The following PTPRE variants were observed in gnomAD, a reference collection of about 807,000 sequenced individuals.
PTPRE encodes the protein protein tyrosine phosphatase receptor type E.
A neutral mutation model predicts 102.0 loss-of-function variants in PTPRE; 51 were observed. That is an observed-to-expected ratio of 0.50 (90% CI 0.40 to 0.63). PTPRE has a LOEUF of 0.63. PTPRE is among the 30% of genes least tolerant of loss of function. The pLI, the probability that PTPRE is intolerant of heterozygous loss-of-function variation, is 0.00. For synonymous variants in PTPRE, 345 were observed against 348.2 expected, an observed-to-expected ratio of 0.99 and a Z score of 0.10; for missense variants, 752 against 915.1, an observed-to-expected ratio of 0.82 and a Z score of 2.30.
intron 2 of PTPRE, among the ~76,000 whole-genome samples, chr10:128,025,406 C>T (rs1590052929): frequency 6.6e-6 from 1 of 152,266 alleles, no homozygotes; most frequent in East Asian, 1.9e-4. Context: ...CTGCAGATTC[C>T]AAGCCTCCCA....
At chr10:128,076,504 T>C in intron 17 of PTPRE, 99 bp from the exon 18 acceptor site, 2 of 1,205,806 alleles carry the variant, frequency 1.7e-6, no homozygotes, top group Non-Finnish European at 1.1e-6. Context: ...TCAGATGAAA[T>C]ACATTAACTG....
At chr10:128,066,838 C>A (rs944021968) in intron 11 of PTPRE, among the ~76,000 whole-genome samples, 2 of 152,196 alleles carry the variant, frequency 1.3e-5, no homozygotes, top group Non-Finnish European at 2.9e-5. Flanking sequence ...CTTATCCTAT[C>A]CCCTGCTGGC....
intron 1 of PTPRE, among the ~76,000 whole-genome samples, chr10:127,931,283 G>A (rs1847424444): frequency 6.6e-6 from 1 of 151,948 alleles, no homozygotes; most frequent in Non-Finnish European, 1.5e-5. Context: ...TTAAAATTGG[G>A]TTGTTAATGC....
intron 1 of PTPRE, among the ~76,000 whole-genome samples, chr10:127,952,073 A>G (rs568964493): frequency 3.9e-5 from 6 of 152,316 alleles, no homozygotes; most frequent in South Asian, 2.1e-4. Context: ...AAGGCTAGCA[A>G]TATACCTTCA....
At chr10:128,037,840 G>A (rs1360746877) in intron 2 of PTPRE, among the ~76,000 whole-genome samples, 1 of 152,132 alleles carries the variant, frequency 6.6e-6, no homozygotes, top group African/African-American at 2.4e-5. Flanking sequence ...TGCCCAGGCT[G>A]GAGTGCAGTG....
intron 1 of PTPRE, among the ~76,000 whole-genome samples, chr10:127,949,166 C>T (rs1291631237): frequency 6.6e-6 from 1 of 152,202 alleles, no homozygotes; most frequent in African/African-American, 2.4e-5. Context: ...TGGACTGAAC[C>T]ATGCTGCTAG....
In PTPRE at chr10:128,057,622, C is replaced by T. The variant is rs531736165; in HGVS notation, c.511+1409C>T. On this transcript the variant is annotated intron_variant, in intron 7 of 20. Coordinates refer to ENST00000254667, the MANE Select transcript of PTPRE (RefSeq NM_006504.6). The stretch of plus-strand genomic sequence containing the variant: ...GCGTGGGATTGATATGTGGTTTTCA[C>T]AAAACCCACTGTGAACCCATGATCC... Among the ~76,000 whole-genome samples the T allele has an allele frequency of 1.4e-4, 22 of 152,302 alleles. No individual in the cohort carries two copies. In the South Asian group the frequency reaches 4.6e-3, roughly 32 times the overall value.
chr10:127,989,762 C>T (rs1852448494), intron 2 of PTPRE, among the ~76,000 whole-genome samples: 1 of 152,206 alleles, frequency 6.6e-6, no homozygotes, highest in South Asian at 2.1e-4. Flanking sequence ...AAACGGTTTG[C>T]TGGTTGATAA....
At chr10:128,003,801 T>C (rs1205579372) in intron 2 of PTPRE, among the ~76,000 whole-genome samples, 1 of 152,194 alleles carries the variant, frequency 6.6e-6, no homozygotes, top group East Asian at 1.9e-4. Flanking sequence ...GTAGGACTAG[T>C]GTTTAATCAA....
chr10:128,006,420 T>C (rs1854551826), intron 2 of PTPRE, among the ~76,000 whole-genome samples: 1 of 152,244 alleles, frequency 6.6e-6, no homozygotes, highest in Admixed American at 6.5e-5. Flanking sequence ...GTACTTAACG[T>C]TGACTTGAAA....
chr10:127,925,612 A>C (rs1846946065), intron 1 of PTPRE, among the ~76,000 whole-genome samples: 1 of 152,190 alleles, frequency 6.6e-6, no homozygotes, highest in Non-Finnish European at 1.5e-5. Context: ...GGAAGCTTTT[A>C]GTAAGAATGT....
chr10:128,041,113 C>A, intron 3 of PTPRE, 123 bp downstream of exon 3: 1 of 813,182 alleles, frequency 1.2e-6, no homozygotes, highest in Non-Finnish European at 2.0e-6. Flanking sequence ...TCTTAGTGTG[C>A]TTTTAATAGT....
chr10:128,054,979 G>A (rs1043783250), intron 6 of PTPRE, among the ~76,000 whole-genome samples: 1 of 152,084 alleles, frequency 6.6e-6, no homozygotes, highest in African/African-American at 2.4e-5. Context: ...GGGTGACCCT[G>A]GACAAATCTA....
chr10:127,946,301 A>G (rs981085658), intron 1 of PTPRE, among the ~76,000 whole-genome samples: 1 of 152,220 alleles, frequency 6.6e-6, no homozygotes, highest in Non-Finnish European at 1.5e-5. Context: ...ACTGATATTG[A>G]TAACTTACTA....
chr10:128,022,451 T>C (rs1192736404), intron 2 of PTPRE, among the ~76,000 whole-genome samples: 1 of 151,842 alleles, frequency 6.6e-6, no homozygotes, highest in Non-Finnish European at 1.5e-5. Context: ...AGAACAGGAG[T>C]TGCCTGGCAG....
chr10:127,983,973 C>T (rs1011200952), intron 2 of PTPRE, among the ~76,000 whole-genome samples: 4 of 152,196 alleles, frequency 2.6e-5, no homozygotes, highest in African/African-American at 9.7e-5. Flanking sequence ...GAGCTGACTT[C>T]CTGTCCTCCC....
At chr10:127,926,104 A>G (rs765130234) in intron 1 of PTPRE, among the ~76,000 whole-genome samples, 2 of 152,214 alleles carry the variant, frequency 1.3e-5, no homozygotes, top group Non-Finnish European at 2.9e-5. Flanking sequence ...ATTTCTTTCA[A>G]GATTAGGAGT....
At chr10:128,025,901 G>C (rs535087604) in intron 2 of PTPRE, among the ~76,000 whole-genome samples, 14 of 152,326 alleles carry the variant, frequency 9.2e-5, no homozygotes, top group Non-Finnish European at 1.9e-4. Context: ...AGGGTGCAGG[G>C]GGCATGTTTA....
At chr10:128,074,604 T>C (rs1590237302) in intron 17 of PTPRE, among the ~76,000 whole-genome samples, 1 of 151,902 alleles carries the variant, frequency 6.6e-6, no homozygotes, top group Non-Finnish European at 1.5e-5. Context: ...GAGGCAGAGG[T>C]TGCATTGAGC....
Sources: allele counts gnomAD v4.1 joint callset (sites outside exome capture counted in the v4.1 genomes callset), GRCh38; gene constraint gnomAD v4.1.1; transcripts MANE v1.5; gene names NCBI Gene and HGNC (gene_info 2026-07-23, HGNC 2026-07-21).